Variants in CSMD1 observed in about 807,000 individuals in gnomAD.
CSMD1 encodes the protein CUB and sushi domain-containing protein 1.
CSMD1 carries 213 observed loss-of-function variants against 417.5 expected under a neutral mutation model. The ratio of observed to expected loss-of-function variants is 0.51; its 90% CI spans 0.46 to 0.57. The LOEUF (loss-of-function observed/expected upper bound fraction) is 0.57. Among genes scored for constraint, CSMD1 ranks in the 20% least tolerant of loss-of-function variants. The pLI is 0.00. For synonymous variants in CSMD1, 2,862 were observed against 1,736.8 expected, an observed-to-expected ratio of 1.65 and a Z score of -16.11; for missense variants, 6,923 against 4,529.7, an observed-to-expected ratio of 1.53 and a Z score of -15.17.
intron 25 of CSMD1, among the ~76,000 whole-genome samples, chr8:3,304,349 C>T (rs1362430693): frequency 3.3e-5 from 5 of 152,044 alleles, no homozygotes; most frequent in South Asian, 2.1e-4. Flanking sequence ...AGGCTAAGAC[C>T]AGACACCATT....
chr8:4,252,397 G>A (rs948443406), intron 3 of CSMD1, among the ~76,000 whole-genome samples: 1 of 152,144 alleles, frequency 6.6e-6, no homozygotes, highest in Non-Finnish European at 1.5e-5. Context: ...TTTTTCCAGT[G>A]ATCAAAACAA....
At chr8:4,089,781 T>A (rs1019733529) in intron 3 of CSMD1, among the ~76,000 whole-genome samples, 3 of 152,154 alleles carry the variant, frequency 2.0e-5, no homozygotes, top group African/African-American at 7.2e-5. Flanking sequence ...TTATGGGCAA[T>A]AATGCCACTC....
At chr8:4,717,999 A>G (rs1808796159) in intron 1 of CSMD1, among the ~76,000 whole-genome samples, 1 of 152,154 alleles carries the variant, frequency 6.6e-6, no homozygotes, top group African/African-American at 2.4e-5. Context: ...TTGTTTTGAG[A>G]CTGGGTCTTG....
intron 2 of CSMD1, among the ~76,000 whole-genome samples, chr8:4,460,945 G>C (rs1407880314): frequency 6.6e-6 from 1 of 151,986 alleles, no homozygotes; most frequent in South Asian, 2.1e-4. Flanking sequence ...CAATATCAAA[G>C]CCAGACATAG....
intron 11 of CSMD1, among the ~76,000 whole-genome samples, chr8:3,479,225 C>T (rs1413357876): frequency 1.3e-5 from 2 of 152,148 alleles, no homozygotes; most frequent in East Asian, 1.9e-4. Flanking sequence ...AAGGTACTTG[C>T]TTGCTAAAAT....
chr8:3,552,374 G>C (rs1798954697), intron 10 of CSMD1, among the ~76,000 whole-genome samples: 1 of 151,978 alleles, frequency 6.6e-6, no homozygotes, highest in Non-Finnish European at 1.5e-5. Context: ...AAATCTCCAT[G>C]ACATTTTGTA....
At chr8:3,971,027 A>C (rs748724077) in intron 5 of CSMD1, among the ~76,000 whole-genome samples, 1 of 152,168 alleles carries the variant, frequency 6.6e-6, no homozygotes, top group Non-Finnish European at 1.5e-5. Flanking sequence ...CTGGGATTTT[A>C]GGCATGAGTC....
At chr8:3,088,359 A>T (rs1014125036) in intron 48 of CSMD1, among the ~76,000 whole-genome samples, 3 of 152,344 alleles carry the variant, frequency 2.0e-5, no homozygotes, top group South Asian at 2.1e-4. Context: ...AAGGTCCTTA[A>T]GAACTGGGAA....
intron 49 of CSMD1, among the ~76,000 whole-genome samples, chr8:3,065,123 G>C (rs979895898): frequency 2.6e-5 from 4 of 151,832 alleles, no homozygotes; most frequent in Admixed American, 2.6e-4. Context: ...AATAAACCTG[G>C]AAATCCTCAT....
chr8:3,836,712 C>G (rs959902621), intron 5 of CSMD1, among the ~76,000 whole-genome samples: 5 of 152,016 alleles, frequency 3.3e-5, no homozygotes, highest in African/African-American at 1.2e-4. Context: ...GGAAAATAAA[C>G]AGATTAGCAG....
At chr8:3,367,610 G>T (rs1809682326) in intron 19 of CSMD1, among the ~76,000 whole-genome samples, 1 of 151,990 alleles carries the variant, frequency 6.6e-6, no homozygotes, top group Non-Finnish European at 1.5e-5. Context: ...AAAATTGGTG[G>T]AAAGAGGACG....
chr8:4,063,041 T>A (rs369662376), intron 3 of CSMD1, among the ~76,000 whole-genome samples: 4 of 152,174 alleles, frequency 2.6e-5, no homozygotes, highest in South Asian at 2.1e-4. Context: ...GAAGAAACGT[T>A]GGCTAATAGG....
intron 1 of CSMD1, among the ~76,000 whole-genome samples, chr8:4,707,741 G>A (rs1435483373): frequency 1.3e-5 from 2 of 151,844 alleles, no homozygotes; most frequent in South Asian, 4.2e-4. Flanking sequence ...ACAAAAATTA[G>A]CCGGGCGTCG....
intron 1 of CSMD1, among the ~76,000 whole-genome samples, chr8:4,873,392 C>T (rs191492130): frequency 4.6e-5 from 7 of 152,148 alleles, no homozygotes; most frequent in South Asian, 2.1e-4. Flanking sequence ...GAGAGACTCC[C>T]GGACACTCAG....
At chr8:3,543,945 G>C (rs1798548747) in intron 10 of CSMD1, among the ~76,000 whole-genome samples, 1 of 152,174 alleles carries the variant, frequency 6.6e-6, no homozygotes, top group Non-Finnish European at 1.5e-5. Context: ...ACAGGAAGTG[G>C]CCAAAGCAAA....
intron 1 of CSMD1, among the ~76,000 whole-genome samples, chr8:4,906,597 C>G (rs1180487616): frequency 2.4e-5 from 3 of 123,422 alleles, no homozygotes; most frequent in Non-Finnish European, 5.2e-5. Context: ...CCCACTTTGT[C>G]GACCAGGTTG....
chr8:4,157,046 G>T (rs754661766), intron 3 of CSMD1, among the ~76,000 whole-genome samples: 1 of 152,156 alleles, frequency 6.6e-6, no homozygotes, highest in Non-Finnish European at 1.5e-5. Context: ...TGCACACAAG[G>T]AGCCTGTAGA....
At chr8:4,332,232 C>T (rs1218838046) in intron 3 of CSMD1, among the ~76,000 whole-genome samples, 3 of 152,170 alleles carry the variant, frequency 2.0e-5, no homozygotes, top group East Asian at 3.9e-4. Context: ...ACGAAGCTAA[C>T]GCTAGCCATT....
intron 12 of CSMD1, among the ~76,000 whole-genome samples, chr8:3,467,720 G>C (rs1457066433): frequency 6.6e-6 from 1 of 152,122 alleles, no homozygotes; most frequent in Non-Finnish European, 1.5e-5. Flanking sequence ...GAGCAGCCAA[G>C]GTGTGGCGTG....
Sources: gnomAD v4.1 joint callset for allele counts (sites outside exome capture counted in the v4.1 genomes callset) on GRCh38, gnomAD v4.1.1 for gene constraint, MANE v1.5 for transcripts, NCBI Gene and HGNC (gene_info 2026-07-23, HGNC 2026-07-21) for gene names.